ERAP1: variants seen among roughly 807,000 people sequenced by gnomAD.
The protein encoded by ERAP1 is endoplasmic reticulum aminopeptidase 1.
ERAP1 carries 86 observed loss-of-function variants against 103.7 expected under a neutral mutation model. The observed-to-expected ratio is 0.83, with a 90% CI of 0.70 to 0.99. The LOEUF is 0.99. Among genes scored for constraint, ERAP1 ranks in the 50% least tolerant of loss-of-function variants. The pLI is 0.00. For synonymous variants in ERAP1, 398 were observed against 402.4 expected (o/e 0.99, Z 0.13); for missense variants, 1,009 against 1,128.4 (o/e 0.89, Z 1.52).
chr5:96,766,565 C>G (rs114656943), intron 19 of ERAP1, among the ~76,000 whole-genome samples: 1 of 152,208 alleles, frequency 6.6e-6, no homozygotes, highest in African/African-American at 2.4e-5. Flanking sequence ...CTGGGGTCTC[C>G]CTATCTTCTC....
At chr5:96,854,582 C>T in the ERAP1 span, among the ~76,000 whole-genome samples, 1 of 152,128 alleles carries the variant, frequency 6.6e-6, no homozygotes. Flanking sequence ...AAATTGCACA[C>T]TAAAAATAAT....
chr5:96,867,385 A>G, the ERAP1 span, among the ~76,000 whole-genome samples: 4 of 152,326 alleles, frequency 2.6e-5, no homozygotes, highest in African/African-American at 9.6e-5. Flanking sequence ...TAAAGCAACA[A>G]TAATTATTTA....
At chr5:96,809,109 T>G (rs1269042249), upstream of ERAP1, among the ~76,000 whole-genome samples, 1 of 152,226 alleles carries the variant, frequency 6.6e-6, no homozygotes, top group Non-Finnish European at 1.5e-5. Context: ...TAAACTGTCA[T>G]GGAGCTGGTG....
At chr5:96,913,087 T>C in the ERAP1 span, among the ~76,000 whole-genome samples, 1 of 152,226 alleles carries the variant, frequency 6.6e-6, no homozygotes, top group Admixed American at 6.5e-5. Flanking sequence ...ATAAGATGTG[T>C]AAATGATGCT....
chr5:96,921,848 T>C, the ERAP1 span, among the ~76,000 whole-genome samples: 1 of 152,262 alleles, frequency 6.6e-6, no homozygotes, highest in African/African-American at 2.4e-5. Flanking sequence ...ATTCCCATAG[T>C]AATAGCACCT....
chr5:96,827,281 G>C, the ERAP1 span, among the ~76,000 whole-genome samples: 2 of 152,164 alleles, frequency 1.3e-5, no homozygotes, highest in Non-Finnish European at 2.9e-5. Context: ...GGTGTTCTTT[G>C]TTTCCCTTTT....
At chr5:96,878,810 C>G in the ERAP1 span, among the ~76,000 whole-genome samples, 1 of 152,084 alleles carries the variant, frequency 6.6e-6, no homozygotes, top group Non-Finnish European at 1.5e-5. Context: ...TACCTGTAAT[C>G]CCAGCTACTC....
At chr5:96,874,838 A>G in the ERAP1 span, among the ~76,000 whole-genome samples, 2 of 152,246 alleles carry the variant, frequency 1.3e-5, no homozygotes, top group Admixed American at 6.5e-5. Context: ...AAGGCACATG[A>G]TACAAGTCTA....
At chr5:96,879,818 C>T in the ERAP1 span, 1 of 1,614,180 alleles carries the variant, frequency 6.2e-7, no homozygotes. Context: ...ATCTAGTTAT[C>T]ACTTCACTGA....
At position 96,797,235 on chromosome 5, in the gene ERAP1, C is replaced by G; in HGVS notation, c.738G>C (p.Leu246=). The change falls in exon 4 of 19, where the codon CTG becomes CTC. Residue 246 remains leucine, a synonymous_variant. Transcript: ENST00000443439. ...CAAAATCTGAAATGATGAAGGCCAC[C>G]AGATAGGTGCTCATCTTCACAGTGA... ...FDVTVKMSTY[L]VAFIISDFES... 6.2e-7 allele frequency: 1 copy of G among 1,614,158 alleles called. No homozygotes were observed. The highest frequency in any genetic ancestry group is 1.1e-5 in the South Asian group (1 of 91,072).
chr5:96,829,048 A>T, the ERAP1 span, among the ~76,000 whole-genome samples: 1 of 152,026 alleles, frequency 6.6e-6, no homozygotes, highest in South Asian at 2.1e-4. Context: ...AGGTTTCACC[A>T]TGTTGGCCAG....
At chr5:96,807,523 G>A (rs1303452985) in intron 1 of ERAP1, among the ~76,000 whole-genome samples, 2 of 152,064 alleles carry the variant, frequency 1.3e-5, no homozygotes, top group Non-Finnish European at 2.9e-5. Context: ...CGAACAGCGG[G>A]GAGACCCGTG....
the ERAP1 span, among the ~76,000 whole-genome samples, chr5:96,852,334 G>A: frequency 6.6e-6 from 1 of 152,138 alleles, no homozygotes; most frequent in South Asian, 2.1e-4. Flanking sequence ...TCCCATCTGT[G>A]TGTAATATTC....
chr5:96,887,081 A>G, the ERAP1 span, among the ~76,000 whole-genome samples: 157 of 76,700 alleles, frequency 2.0e-3, 1 homozygote, highest in Non-Finnish European at 3.2e-3. Context: ...AAGTATATAT[A>G]TATATATATA....
intron 15 of ERAP1, among the ~76,000 whole-genome samples, chr5:96,782,261 A>G (rs1241992797): frequency 1.3e-5 from 2 of 152,020 alleles, no homozygotes; most frequent in African/African-American, 2.4e-5. Flanking sequence ...CACCCACCTC[A>G]GCCTCCCAAA....
At chr5:96,768,139 A>G in intron 19 of ERAP1, 2 of 685,868 alleles carry the variant, frequency 2.9e-6, no homozygotes, top group South Asian at 3.2e-5. Context: ...GCTGGAGTGC[A>G]GTGGTGTGAT....
chr5:96,879,372 GGA>G, the ERAP1 span, among the ~76,000 whole-genome samples: 1 of 152,128 alleles, frequency 6.6e-6, no homozygotes. Context: ...GTTTTTTGGG[GGA>G]GTCCTAAAGG....
the ERAP1 span, among the ~76,000 whole-genome samples, chr5:96,859,585 G>C: frequency 6.6e-6 from 1 of 152,162 alleles, no homozygotes; most frequent in Non-Finnish European, 1.5e-5. Flanking sequence ...CCAGGACAGA[G>C]CTGAGAGGCT....
intron 19 of ERAP1, chr5:96,766,107 C>T: frequency 6.2e-7 from 1 of 1,611,110 alleles, no homozygotes; most frequent in Non-Finnish European, 8.5e-7. Flanking sequence ...TGACACTATC[C>T]CACCTGAATA....
Sources: allele counts gnomAD v4.1 joint callset (sites outside exome capture counted in the v4.1 genomes callset), GRCh38; gene constraint gnomAD v4.1.1; transcripts MANE v1.5; gene names NCBI Gene and HGNC (gene_info 2026-07-23, HGNC 2026-07-21).